ANKRD28: variants seen among roughly 807,000 people sequenced by gnomAD.
ANKRD28 encodes ankyrin repeat domain 28, also known as serine/threonine-protein phosphatase 6 regulatory ankyrin repeat subunit A.
In ANKRD28, 44 loss-of-function variants were observed where a neutral mutation model predicts 126.5. That is an observed-to-expected ratio of 0.35 (90% CI 0.27 to 0.45). The LOEUF (loss-of-function observed/expected upper bound fraction) is 0.45. Ranked by LOEUF, ANKRD28 falls within the 20% of genes least tolerant of loss-of-function variation. The pLI, the probability that ANKRD28 is intolerant of heterozygous loss-of-function variation, is 1.00. For synonymous variants in ANKRD28, 442 were observed against 468.5 expected, an observed-to-expected ratio of 0.94 and a Z score of 0.73; for missense variants, 1,110 against 1,316.6, an observed-to-expected ratio of 0.84 and a Z score of 2.43.
At chr3:15,729,577 C>T (rs1191923826) in intron 6 of ANKRD28, among the ~76,000 whole-genome samples, 3 of 152,148 alleles carry the variant, frequency 2.0e-5, no homozygotes, top group African/African-American at 4.8e-5. Flanking sequence ...AGAAAACAAG[C>T]ATCCAAAATA....
At chr3:15,807,708 T>C (rs887808212) in intron 1 of ANKRD28, among the ~76,000 whole-genome samples, 1 of 152,198 alleles carries the variant, frequency 6.6e-6, no homozygotes, top group Admixed American at 6.5e-5. Flanking sequence ...CATAAAGGGT[T>C]GATAAAGCTG....
At chr3:15,793,933 G>A (rs2060151418) in intron 2 of ANKRD28, among the ~76,000 whole-genome samples, 2 of 152,106 alleles carry the variant, frequency 1.3e-5, no homozygotes, top group East Asian at 1.9e-4. Flanking sequence ...AATCGGGCGT[G>A]GTGGCAGGTG....
At chr3:15,819,364 T>C (rs531011298) in intron 1 of ANKRD28, among the ~76,000 whole-genome samples, 1 of 152,226 alleles carries the variant, frequency 6.6e-6, no homozygotes, top group South Asian at 2.1e-4. Flanking sequence ...AGTCCATAAA[T>C]AGAGCTACAC....
In ANKRD28 at chr3:15,797,417, T is replaced by G. The variant is rs964953901; in HGVS notation, c.-896A>C. On this transcript the variant is annotated 5_prime_UTR_variant, in exon 1 of 28. Transcript: ENST00000683139. ...CGTTCATTCTTTCTCCATCAGGCAG[T>G]TGTCTGTGGCTGCTCCAGCAAAAGG... is the stretch of plus-strand genomic sequence containing the variant. 1.0e-6 allele frequency: 1 copy of G among 985,262 alleles called. No individual in the cohort carries two copies. Among genetic ancestry groups the G allele is most frequent in the African/African-American group, 1.7e-5 (1 of 57,210 alleles). The allele number at this position is 985,262 out of a possible 1,614,324, so 61.0% of individuals were successfully genotyped here.
At chr3:15,692,182 T>G (rs1056551692) in intron 17 of ANKRD28, among the ~76,000 whole-genome samples, 1 of 147,192 alleles carries the variant, frequency 6.8e-6, no homozygotes, top group Non-Finnish European at 1.5e-5. Context: ...TTGGGCATGG[T>G]CACTCACACC....
At chr3:15,693,129 CAG>C (rs1331434712) in intron 17 of ANKRD28, among the ~76,000 whole-genome samples, 2 of 152,106 alleles carry the variant, frequency 1.3e-5, no homozygotes, top group African/African-American at 2.4e-5. Flanking sequence ...TTAATGGGTA[CAG>C]AGTTTTAGTT....
chr3:15,792,265 C>T (rs2060066389), intron 2 of ANKRD28, among the ~76,000 whole-genome samples: 1 of 152,130 alleles, frequency 6.6e-6, no homozygotes, highest in South Asian at 2.1e-4. Flanking sequence ...GAGATCTGCA[C>T]TCCTATGTTT....
intron 14 of ANKRD28, among the ~76,000 whole-genome samples, chr3:15,699,060 A>G (rs1380175946): frequency 6.6e-6 from 1 of 152,238 alleles, no homozygotes; most frequent in Non-Finnish European, 1.5e-5. Context: ...ACAATGGAAC[A>G]GAACAGAGGC....
chr3:15,697,376 A>G (rs1374700533), intron 14 of ANKRD28: 1 of 152,200 alleles, frequency 6.6e-6, no homozygotes, highest in Non-Finnish European at 1.5e-5. Flanking sequence ...GATACAGTGT[A>G]CATTGCTCAG....
intron 14 of ANKRD28, among the ~76,000 whole-genome samples, chr3:15,698,130 C>T (rs112522073): frequency 2.0e-5 from 3 of 151,990 alleles, no homozygotes; most frequent in African/African-American, 7.2e-5. Context: ...ATTAGTCTTG[C>T]TAGCGGTCTG....
intron 4 of ANKRD28, among the ~76,000 whole-genome samples, chr3:15,745,792 G>C (rs557881889): frequency 7.9e-5 from 12 of 152,170 alleles, no homozygotes; most frequent in African/African-American, 2.9e-4. Flanking sequence ...TTTGTAGATT[G>C]CTTTTGGCAG....
intron 1 of ANKRD28, among the ~76,000 whole-genome samples, chr3:15,850,169 C>A (rs2061606512): frequency 8.5e-6 from 1 of 117,994 alleles, no homozygotes; most frequent in Non-Finnish European, 1.7e-5. Context: ...GGCACTGGGA[C>A]AACTGGGTAT....
Position 15,677,436 on chromosome 3 carries a change from GTTAATA to G in ANKRD28, c.2790+38_2790+43del, listed in dbSNP as rs67528545. 4.6e-3 allele frequency: 6,744 copies of G among 1,462,696 alleles called. 251 individuals carry two copies. The African/African-American group carries it at 0.078, about 17-fold the overall frequency. 90.6% of individuals were successfully genotyped at this position (1,462,696 alleles called of 1,614,324 possible). On this transcript the variant is annotated intron_variant, in intron 25 of 27. Transcript: ENST00000683139. ...AAGTCAAAAAACTTTTAAGGTCACT[GTTAATA>G]TTAACAATGGAAACATATTCTTAAG...
chr3:15,695,068 C>T (rs553111996), intron 16 of ANKRD28, 120 bp downstream of exon 16: 11 of 847,816 alleles, frequency 1.3e-5, no homozygotes, highest in Middle Eastern at 2.2e-4. Flanking sequence ...TTTCTGTCAC[C>T]GTCTTTGTGC....
chr3:15,736,905 A>C (rs1251324515), intron 5 of ANKRD28, 128 bp downstream of exon 5: 3 of 1,002,544 alleles, frequency 3.0e-6, no homozygotes, highest in Non-Finnish European at 4.4e-6. Context: ...AAAAGGAGGC[A>C]AAATTAGACA....
At chr3:15,820,837 C>G (rs745320398) in intron 1 of ANKRD28, among the ~76,000 whole-genome samples, 2 of 152,074 alleles carry the variant, frequency 1.3e-5, no homozygotes, top group Non-Finnish European at 2.9e-5. Flanking sequence ...CCCTATTACC[C>G]TATTCACAGA....
At chr3:15,724,814 AC>A (rs1406169703) in intron 6 of ANKRD28, among the ~76,000 whole-genome samples, 3 of 152,046 alleles carry the variant, frequency 2.0e-5, no homozygotes, top group Non-Finnish European at 4.4e-5. Context: ...CCCTGTCTCC[AC>A]CAAAAATAAA....
At chr3:15,741,875 T>C (rs1004481683) in intron 4 of ANKRD28, among the ~76,000 whole-genome samples, 7 of 151,662 alleles carry the variant, frequency 4.6e-5, no homozygotes, top group African/African-American at 1.7e-4. Flanking sequence ...TGCCTGCGAT[T>C]GCAGGCGCGC....
intron 11 of ANKRD28, among the ~76,000 whole-genome samples, chr3:15,711,571 G>C (rs2072279008): frequency 6.6e-6 from 1 of 152,208 alleles, no homozygotes; most frequent in African/African-American, 2.4e-5. Context: ...GAACTGTTCA[G>C]AACAGGCAAA....
Sources: allele counts gnomAD v4.1 joint callset (sites outside exome capture counted in the v4.1 genomes callset), GRCh38; gene constraint gnomAD v4.1.1; transcripts MANE v1.5; gene names NCBI Gene and HGNC (gene_info 2026-07-23, HGNC 2026-07-21).